Variants in SCUBE2 observed in about 807,000 individuals in gnomAD.
The protein encoded by SCUBE2 is signal peptide, CUB domain and EGF like domain containing 2, also known as signal peptide, CUB and EGF-like domain-containing protein 2.
A neutral mutation model predicts 125.9 loss-of-function variants in SCUBE2; 114 were observed. That is an observed-to-expected ratio of 0.91 (90% CI 0.78 to 1.06). The LOEUF (loss-of-function observed/expected upper bound fraction) is 1.06. Among genes scored for constraint, SCUBE2 ranks in the 50% least tolerant of loss-of-function variants. The pLI is 0.00. For synonymous variants in SCUBE2, 459 were observed against 492.9 expected, an observed-to-expected ratio of 0.93 and a Z score of 0.91; for missense variants, 1,255 against 1,301.8, an observed-to-expected ratio of 0.96 and a Z score of 0.55.
chr11:9,091,497 G>GC lies in SCUBE2; in HGVS notation c.31dup (p.Ala11GlyfsTer38), dbSNP rs1386943251. ...CAGCAGCAGCAGCACCGCCCAGGCC[G>GC]CCCCGGGACGGTTGCGGCCCGCGAC... On this transcript the variant is annotated frameshift_variant, in exon 1 of 23. Coordinates refer to ENST00000649792, the MANE Select transcript of SCUBE2 (RefSeq NM_001367977.2). LOFTEE classifies it high-confidence loss of function. The surrounding 1 kb of genome is among the most constrained non-coding windows in gnomAD (Gnocchi z 8.5). 3 of 1,100,374 alleles carry GC rather than the reference G, an allele frequency of 2.7e-6. No homozygotes were observed. In the African/African-American group the frequency reaches 5.0e-5, roughly 18 times the overall value. 68.2% of individuals were successfully genotyped at this position (1,100,374 alleles called of 1,614,324 possible). A position where few individuals can be genotyped will look rare whatever the true frequency, so the allele number is the denominator to read the frequency against.
intron 11 of SCUBE2, 63 bp from the exon 12 acceptor site, chr11:9,053,278 G>C: frequency 7.2e-7 from 1 of 1,392,628 alleles, no homozygotes; most frequent in South Asian, 1.2e-5. Context: ...GACAAGGATG[G>C]TTGAGTCCCA....
At chr11:9,076,990 G>C (rs1590143622) in intron 3 of SCUBE2, among the ~76,000 whole-genome samples, 1 of 152,288 alleles carries the variant, frequency 6.6e-6, no homozygotes, top group South Asian at 2.1e-4. Flanking sequence ...GTAAAGATGT[G>C]CTCCCCTCTG....
intron 3 of SCUBE2, among the ~76,000 whole-genome samples, chr11:9,075,821 C>T (rs1316633255): frequency 6.6e-6 from 1 of 152,214 alleles, no homozygotes; most frequent in East Asian, 1.9e-4. Flanking sequence ...GAGAAGAAGA[C>T]TGGGCGGACA....
chr11:9,066,023 T>C (rs746545558), intron 6 of SCUBE2, 43 bp from the exon 7 acceptor site: 1 of 1,367,874 alleles, frequency 7.3e-7, no homozygotes, highest in African/African-American at 1.4e-5. Flanking sequence ...ACTGAATGAG[T>C]TAGATTGCTC....
chr11:9,087,680 AAG>A (rs1430008528), intron 2 of SCUBE2, among the ~76,000 whole-genome samples: 2 of 152,190 alleles, frequency 1.3e-5, no homozygotes, highest in African/African-American at 2.4e-5. Context: ...ATGATATCCC[AAG>A]GGGTGTCACC....
intron 2 of SCUBE2, 68 bp from the exon 3 acceptor site, chr11:9,079,577 C>T: frequency 1.3e-6 from 2 of 1,503,294 alleles, no homozygotes; most frequent in Non-Finnish European, 1.8e-6. Flanking sequence ...ATGCACTTAC[C>T]TCCAGCCATT....
At chr11:9,086,512 G>A (rs1021893620) in intron 2 of SCUBE2, among the ~76,000 whole-genome samples, 36 of 152,068 alleles carry the variant, frequency 2.4e-4, no homozygotes, top group African/African-American at 8.7e-4. Flanking sequence ...TCCTTCTTGG[G>A]AGAAAATTTC....
At chr11:9,039,689 G>A (rs1416323199) in intron 16 of SCUBE2, among the ~76,000 whole-genome samples, 1 of 152,134 alleles carries the variant, frequency 6.6e-6, no homozygotes, top group Non-Finnish European at 1.5e-5. Context: ...CTCTGGTTTA[G>A]AATATGGTGT....
In SCUBE2 at chr11:9,033,765, T is replaced by G; in HGVS notation, c.2034A>C (p.Gly678=). The G allele has an allele frequency of 6.2e-7, 1 of 1,614,110 alleles. No homozygotes were observed. Among genetic ancestry groups the G allele is most frequent in the Non-Finnish European group, 8.5e-7 (1 of 1,180,002 alleles). Residue 678 remains glycine, a synonymous_variant, in exon 17 of 23, where the codon GGA becomes GGC. Coordinates refer to ENST00000649792, the MANE Select transcript of SCUBE2 (RefSeq NM_001367977.2). ...GACATAAAATGCAGCGTTCTCGTGC[T>G]CCATCATAATAGGTCCCAGCCCTGC... ...VSCRAGTYYD[G]ARERCILCPN...
At position 9,045,634 on chromosome 11, in the gene SCUBE2, C is replaced by A. The variant is rs1170604465; in HGVS notation, c.2002+1722G>T. 2.0e-5 allele frequency among the ~76,000 whole-genome samples: 3 copies of A among 150,468 alleles called. No homozygotes were observed. The East Asian group carries it at 5.8e-4, about 29-fold the overall frequency. ...AGACACACACACACACACACACACA[C>A]ACACACACACACACACACACAGCCT... On this transcript the variant is annotated intron_variant, in intron 16 of 22. Coordinates refer to ENST00000649792, the MANE Select transcript of SCUBE2 (RefSeq NM_001367977.2).
intron 16 of SCUBE2, among the ~76,000 whole-genome samples, chr11:9,041,867 GAGA>G (rs1302409765): frequency 6.6e-6 from 1 of 152,098 alleles, no homozygotes; most frequent in East Asian, 1.9e-4. Flanking sequence ...TCTAGCAGAG[GAGA>G]AGAATTCTGA....
chr11:9,065,805 G>T, intron 7 of SCUBE2, 86 bp downstream of exon 7: 1 of 1,150,822 alleles, frequency 8.7e-7, no homozygotes, highest in Non-Finnish European at 1.3e-6. Context: ...GAGGGCATGT[G>T]GCTCCCAAGT....
At chr11:9,060,101 C>T (rs770018287) in intron 8 of SCUBE2, among the ~76,000 whole-genome samples, 26 of 152,156 alleles carry the variant, frequency 1.7e-4, no homozygotes, top group Non-Finnish European at 1.0e-4. Flanking sequence ...GATATTATCT[C>T]CTGCAAATGA....
chr11:9,043,176 C>T (rs1857396978), intron 16 of SCUBE2, among the ~76,000 whole-genome samples: 1 of 152,170 alleles, frequency 6.6e-6, no homozygotes, highest in South Asian at 2.1e-4. Context: ...AAATACTTCC[C>T]AGTTTGCCAG....
chr11:9,065,003 C>T (rs1860070128), intron 7 of SCUBE2: 1 of 152,068 alleles, frequency 6.6e-6, no homozygotes. Context: ...TTCATCTCTT[C>T]TACTATTATC....
intron 16 of SCUBE2, among the ~76,000 whole-genome samples, chr11:9,039,591 G>C (rs1857024362): frequency 6.6e-6 from 1 of 152,110 alleles, no homozygotes; most frequent in Admixed American, 6.5e-5. Context: ...TACACCTCGG[G>C]GGTTGACAAG....
chr11:9,054,785 G>T (rs1480899006), intron 10 of SCUBE2, among the ~76,000 whole-genome samples: 1 of 130,166 alleles, frequency 7.7e-6, no homozygotes, highest in Non-Finnish European at 1.5e-5. Context: ...GCCCAGGCTG[G>T]AGTGCAATGG....
chr11:9,054,451 C>G (rs945364764), intron 10 of SCUBE2, among the ~76,000 whole-genome samples: 1 of 152,006 alleles, frequency 6.6e-6, no homozygotes, highest in Non-Finnish European at 1.5e-5. Context: ...GCAGACAGAA[C>G]TGGGACTCCC....
chr11:9,042,397 C>T (rs977848070), intron 16 of SCUBE2, among the ~76,000 whole-genome samples: 10 of 152,024 alleles, frequency 6.6e-5, no homozygotes, highest in East Asian at 1.9e-4. Context: ...TTCTGTCCCT[C>T]CCTGCCTCCA....
Sources: allele counts gnomAD v4.1 joint callset (sites outside exome capture counted in the v4.1 genomes callset), GRCh38; gene constraint gnomAD v4.1.1; non-coding constraint Gnocchi (gnomAD v3.1); transcripts MANE v1.5; gene names NCBI Gene and HGNC (gene_info 2026-07-23, HGNC 2026-07-21).